The following BLTP1 variants were observed in gnomAD, a reference collection of about 807,000 sequenced individuals.
BLTP1 encodes the protein bridge-like lipid transfer protein family member 1, also known as fragile site-associated protein.
chr4:122,336,935 A>T, the BLTP1 span: 1 of 1,612,080 alleles, frequency 6.2e-7, no homozygotes, highest in Non-Finnish European at 8.5e-7. Flanking sequence ...GATCCTATGG[A>T]AGAATCAACA....
chr4:122,245,342 A>T, the BLTP1 span, among the ~76,000 whole-genome samples: 2 of 152,164 alleles, frequency 1.3e-5, no homozygotes, highest in African/African-American at 4.8e-5. Flanking sequence ...ATTTATTTAA[A>T]AAATATATTA....
the BLTP1 span, chr4:122,334,567 T>C: frequency 6.3e-7 from 1 of 1,596,370 alleles, no homozygotes; most frequent in Admixed American, 1.8e-5. Flanking sequence ...GTATATACTT[T>C]ATTTTTTGTC....
the BLTP1 span, among the ~76,000 whole-genome samples, chr4:122,278,134 G>T: frequency 1.3e-5 from 2 of 151,902 alleles, no homozygotes; most frequent in Admixed American, 6.6e-5. Context: ...ATTCAGTTAC[G>T]AGGGGGCTTC....
chr4:122,305,702 T>C, the BLTP1 span: 10 of 929,830 alleles, frequency 1.1e-5, no homozygotes, highest in Non-Finnish European at 1.2e-5. Flanking sequence ...CATGGCTATT[T>C]TGTATATTAA....
At chr4:122,237,912 G>A in the BLTP1 span, 1 of 252,984 alleles carries the variant, frequency 4.0e-6, no homozygotes, top group Non-Finnish European at 6.2e-6. Context: ...GAACCCGGGA[G>A]GCAGAGGTTG....
the BLTP1 span, chr4:122,182,650 A>C: frequency 6.1e-6 from 6 of 985,428 alleles, no homozygotes; most frequent in Non-Finnish European, 6.0e-6. Context: ...AAATGGGCAG[A>C]ACTTTATTGT....
At chr4:122,230,152 T>G in the BLTP1 span, 7 of 1,614,032 alleles carry the variant, frequency 4.3e-6, no homozygotes, top group South Asian at 7.7e-5. Flanking sequence ...CTGCTGACCA[T>G]CATTCTAAAC....
the BLTP1 span, among the ~76,000 whole-genome samples, chr4:122,206,661 A>T: frequency 2.0e-5 from 3 of 151,832 alleles, no homozygotes; most frequent in Admixed American, 6.6e-5. Flanking sequence ...AAATCTCATT[A>T]ATGAGCTATT....
At chr4:122,289,553 A>G in the BLTP1 span, 2 of 984,832 alleles carry the variant, frequency 2.0e-6, no homozygotes, top group East Asian at 2.3e-4. Flanking sequence ...TGATGGCTAT[A>G]TGCTGGCAGC....
the BLTP1 span, chr4:122,170,328 A>C: frequency 1.1e-6 from 1 of 924,214 alleles, no homozygotes; most frequent in Non-Finnish European, 1.3e-6. Flanking sequence ...AAAAAAAAAA[A>C]GAATAATCAC....
the BLTP1 span, among the ~76,000 whole-genome samples, chr4:122,202,884 T>C: frequency 6.6e-6 from 1 of 152,026 alleles, no homozygotes; most frequent in Admixed American, 6.6e-5. Context: ...AAATTCACTC[T>C]TTTGGTTATT....
chr4:122,352,355 C>CTTTT, the BLTP1 span, among the ~76,000 whole-genome samples: 30 of 111,704 alleles, frequency 2.7e-4, no homozygotes, highest in African/African-American at 4.7e-4. Context: ...TTTGGTTTTT[C>CTTTT]TTTTTTTTTT....
chr4:122,170,577 A>G, the BLTP1 span: 6 of 1,456,206 alleles, frequency 4.1e-6, no homozygotes, highest in South Asian at 6.0e-5. Flanking sequence ...CAATTTTATA[A>G]ATCTCTGATT....
At chr4:122,219,607 A>G in the BLTP1 span, 1 of 1,430,286 alleles carries the variant, frequency 7.0e-7, no homozygotes, top group Middle Eastern at 1.7e-4. Context: ...AATATATTAT[A>G]ACATCCACCT....
the BLTP1 span, chr4:122,167,801 C>T: frequency 2.4e-5 from 24 of 985,280 alleles, no homozygotes; most frequent in African/African-American, 2.4e-4. Flanking sequence ...CATGTGCAGA[C>T]GCATGCTTTA....
the BLTP1 span, chr4:122,315,395 C>T: frequency 2.5e-6 from 4 of 1,592,180 alleles, no homozygotes; most frequent in Non-Finnish European, 3.4e-6. Flanking sequence ...GCCATTATTA[C>T]TTTGTAAAGT....
chr4:122,181,333 G>T, the BLTP1 span: 1 of 430,374 alleles, frequency 2.3e-6, no homozygotes, highest in African/African-American at 2.2e-5. Context: ...CTTTTTTCCT[G>T]ATAGAGCAAT....
the BLTP1 span, chr4:122,200,081 T>C: frequency 1.1e-6 from 1 of 950,022 alleles, no homozygotes; most frequent in Non-Finnish European, 1.3e-6. Flanking sequence ...TGCCATAAGG[T>C]TCTTAATTTC....
chr4:122,336,758 A>T, the BLTP1 span: 1 of 1,279,068 alleles, frequency 7.8e-7, no homozygotes, highest in Non-Finnish European at 1.0e-6. Flanking sequence ...ATGAAGGGCT[A>T]CAGAAGCAAA....
Sources: allele counts gnomAD v4.1 joint callset (sites outside exome capture counted in the v4.1 genomes callset), GRCh38; gene constraint gnomAD v4.1.1; transcripts MANE v1.5; gene names NCBI Gene and HGNC (gene_info 2026-07-23, HGNC 2026-07-21).